Variants in CFAP54 observed in about 807,000 individuals in gnomAD.
CFAP54 encodes cilia and flagella associated protein 54.
In CFAP54, 290 loss-of-function variants were observed where a neutral mutation model predicts 370.4. That is an observed-to-expected ratio of 0.78 (90% CI 0.71 to 0.86). CFAP54 has a LOEUF of 0.86. Ranked by LOEUF, CFAP54 falls within the 40% of genes least tolerant of loss-of-function variation. CFAP54 has a pLI of 0.00. For synonymous variants in CFAP54, 1,206 were observed against 1,236.5 expected, an observed-to-expected ratio of 0.98 and a Z score of 0.52; for missense variants, 3,399 against 3,528.7, an observed-to-expected ratio of 0.96 and a Z score of 0.93.
intron 66 of CFAP54, among the ~76,000 whole-genome samples, chr12:96,847,739 A>G (rs1959400370): frequency 2.0e-5 from 3 of 152,158 alleles, no homozygotes; most frequent in African/African-American, 2.4e-5. Context: ...GGGAGACAGA[A>G]CCCCTCATGT....
chr12:96,742,836 T>A (rs552382519), intron 52 of CFAP54, among the ~76,000 whole-genome samples: 27 of 152,156 alleles, frequency 1.8e-4, no homozygotes, highest in Non-Finnish European at 3.4e-4. Flanking sequence ...AATGACCAGG[T>A]CTTCTTGTCA....
chr12:96,795,993 T>C (rs1295341806), intron 63 of CFAP54, among the ~76,000 whole-genome samples: 5 of 152,204 alleles, frequency 3.3e-5, no homozygotes, highest in Non-Finnish European at 7.3e-5. Context: ...CCCTGTATTT[T>C]GCTTGGCTCT....
Position 96,751,986 on chromosome 12 carries a change from ATTC to A in CFAP54, c.7685-1749_7685-1747del, listed in dbSNP as rs766612166. On this transcript the variant is annotated intron_variant, in intron 55 of 67. Transcript: ENST00000524981. ...AGAAGCAACGGCTTTTCCTCTCCATATTCTTCTTCTCCGTATTCACTTTGTCAT... is the reference window on the plus strand; with the variant it reads ...AGAAGCAACGGCTTTTCCTCTCCATATTCTTCTCCGTATTCACTTTGTCAT... 6.6e-5 allele frequency among the ~76,000 whole-genome samples: 10 copies of A among 151,718 alleles called. 1 individual carries two copies. Among genetic ancestry groups the A allele is most frequent in the East Asian group, 5.8e-4 (3 of 5,138 alleles).
At chr12:96,606,505 G>T (rs1179815756) in intron 26 of CFAP54, among the ~76,000 whole-genome samples, 2 of 152,158 alleles carry the variant, frequency 1.3e-5, no homozygotes, top group Non-Finnish European at 2.9e-5. Context: ...ATTTATTTAG[G>T]CTTTAATGAG....
At chr12:96,634,434 C>T (rs1172090997) in intron 32 of CFAP54, among the ~76,000 whole-genome samples, 1 of 152,022 alleles carries the variant, frequency 6.6e-6, no homozygotes, top group Non-Finnish European at 1.5e-5. Flanking sequence ...CTCATTTTCT[C>T]ATTGGATTGT....
intron 14 of CFAP54, among the ~76,000 whole-genome samples, chr12:96,547,476 G>A (rs1005595398): frequency 4.6e-5 from 7 of 152,060 alleles, no homozygotes; most frequent in Admixed American, 1.3e-4. Context: ...GTAAGCCACC[G>A]CACCTGGCCT....
chr12:96,850,031 T>A (rs932431837), intron 66 of CFAP54, among the ~76,000 whole-genome samples: 1 of 152,094 alleles, frequency 6.6e-6, no homozygotes. Flanking sequence ...TAATTCCCTT[T>A]GGCAGCCCTA....
chr12:96,742,319 T>A (rs1958060790), intron 51 of CFAP54, 120 bp from the exon 52 acceptor site: 3 of 646,256 alleles, frequency 4.6e-6, no homozygotes, highest in South Asian at 4.9e-5. Context: ...TTTCTAAATT[T>A]AAAATTGTAA....
At chr12:96,554,831 C>G (rs1360372373) in intron 17 of CFAP54, 29 bp downstream of exon 17, 1 of 1,506,050 alleles carries the variant, frequency 6.6e-7, no homozygotes, top group Non-Finnish European at 8.9e-7. Context: ...AGTAACCATT[C>G]TGAATCAATT....
chr12:96,570,604 C>T (rs1471727518), intron 19 of CFAP54, among the ~76,000 whole-genome samples: 1 of 152,134 alleles, frequency 6.6e-6, no homozygotes, highest in Non-Finnish European at 1.5e-5. Context: ...AGCTGTATGA[C>T]CTGTCAAGTT....
At chr12:96,596,345 G>A (rs1342619226) in intron 25 of CFAP54, among the ~76,000 whole-genome samples, 1 of 152,106 alleles carries the variant, frequency 6.6e-6, no homozygotes, top group East Asian at 1.9e-4. Flanking sequence ...TAGGAAAGAA[G>A]TCTCTAATTG....
chr12:96,861,577 A>G (rs1034775029), intron 67 of CFAP54, among the ~76,000 whole-genome samples: 2 of 152,240 alleles, frequency 1.3e-5, no homozygotes, highest in Non-Finnish European at 2.9e-5. Context: ...ATAGAATTTT[A>G]GAGTGCCAGC....
intron 30 of CFAP54, 110 bp downstream of exon 30, chr12:96,627,049 T>A: frequency 1.5e-6 from 1 of 665,522 alleles, no homozygotes; most frequent in Non-Finnish European, 2.1e-6. Context: ...TATATACAGT[T>A]AAAACCACTG....
In CFAP54 at chr12:96,513,122, T is replaced by C; in HGVS notation, c.798+78T>C. 5.0e-6 allele frequency: 3 copies of C among 602,240 alleles called. No individual in the cohort carries two copies. In the South Asian group the frequency reaches 1.3e-4, roughly 25 times the overall value. The allele number at this position is 602,240 out of a possible 1,614,324, so 37.3% of individuals were successfully genotyped here. On this transcript the variant is annotated intron_variant, in intron 5 of 67. Coordinates refer to ENST00000524981, the MANE Select transcript of CFAP54 (RefSeq NM_001306084.2). ...CTTAAGGCTTTCATTACACAGTATA[T>C]TGAATGTTAAACAAGGAATATTTGG...
chr12:96,660,348 G>A (rs985027261), intron 38 of CFAP54, among the ~76,000 whole-genome samples: 5 of 152,126 alleles, frequency 3.3e-5, no homozygotes, highest in African/African-American at 1.2e-4. Context: ...CAATGTGAGT[G>A]TACCCCAAGA....
At chr12:96,785,575 C>G (rs1203729775) in intron 61 of CFAP54, among the ~76,000 whole-genome samples, 1 of 152,064 alleles carries the variant, frequency 6.6e-6, no homozygotes, top group Non-Finnish European at 1.5e-5. Context: ...CTCACAAGCC[C>G]TCTGAAAGGT....
At position 96,728,171 on chromosome 12, in the gene CFAP54, C is replaced by T. The variant is rs1280800809; in HGVS notation, c.6965+7606C>T. Among the ~76,000 whole-genome samples, 561 of 152,094 alleles carry T rather than the reference C, an allele frequency of 3.7e-3. 5 individuals carry two copies. Among genetic ancestry groups the T allele is most frequent in the African/African-American group, 0.013 (527 of 41,490 alleles). On this transcript the variant is annotated intron_variant, in intron 50 of 67. Coordinates refer to ENST00000524981, the MANE Select transcript of CFAP54 (RefSeq NM_001306084.2). ...TTATGTGTCTTGGAGTTGCTCTTCT[C>T]GAGGAGTATCTTTGTGGCATTCTCT...
chr12:96,658,424 G>A, intron 38 of CFAP54, 78 bp downstream of exon 38: 2 of 1,498,384 alleles, frequency 1.3e-6, no homozygotes, highest in Non-Finnish European at 1.8e-6. Context: ...AGATTTAGAA[G>A]TCAGATAAAT....
intron 40 of CFAP54, among the ~76,000 whole-genome samples, chr12:96,683,186 T>C (rs1420375994): frequency 6.6e-6 from 1 of 152,228 alleles, no homozygotes. Flanking sequence ...AGCATCACTT[T>C]ATAATAAAAG....
Sources: allele counts gnomAD v4.1 joint callset (sites outside exome capture counted in the v4.1 genomes callset), GRCh38; gene constraint gnomAD v4.1.1; transcripts MANE v1.5; gene names NCBI Gene and HGNC (gene_info 2026-07-23, HGNC 2026-07-21).